FSTL5: variants seen among roughly 807,000 people sequenced by gnomAD.
FSTL5 encodes the protein follistatin-related protein 5.
A neutral mutation model predicts 89.1 loss-of-function variants in FSTL5; 62 were observed. The ratio of observed to expected loss-of-function variants is 0.70; its 90% CI spans 0.57 to 0.86. FSTL5 has a LOEUF of 0.86. Ranked by LOEUF, FSTL5 falls within the 40% of genes least tolerant of loss-of-function variation. The pLI is 0.00. For synonymous variants in FSTL5, 383 were observed against 346.2 expected (o/e 1.11, Z -1.18); for missense variants, 1,057 against 1,001.6 (o/e 1.06, Z -0.75).
In FSTL5 at chr4:161,459,346, T is replaced by A. The variant is rs376306198; in HGVS notation, c.1609-27A>T. On this transcript the variant is annotated intron_variant, in intron 13 of 15. Coordinates refer to ENST00000306100, the MANE Select transcript of FSTL5 (RefSeq NM_020116.5). ...TACAATAAAGAAGAATTGAAAAAAA[T>A]GTTTTAGACTAAACTATTAGTTTAA... 7 of 1,434,120 alleles carry A rather than the reference T, an allele frequency of 4.9e-6. No individual in the cohort carries two copies. The East Asian group carries it at 9.1e-5, about 19-fold the overall frequency. 88.8% of individuals were successfully genotyped at this position (1,434,120 alleles called of 1,614,324 possible).
At chr4:161,573,460 C>A (rs1413480796) in intron 8 of FSTL5, among the ~76,000 whole-genome samples, 2 of 149,198 alleles carry the variant, frequency 1.3e-5, no homozygotes, top group Admixed American at 1.3e-4. Flanking sequence ...AAAATAAAGC[C>A]AGGAGCGGTG....
At chr4:161,835,738 TC>T (rs1731017705) in intron 4 of FSTL5, among the ~76,000 whole-genome samples, 1 of 152,048 alleles carries the variant, frequency 6.6e-6, no homozygotes, top group Non-Finnish European at 1.5e-5. Context: ...CAAATGCAAA[TC>T]AAAACCACAA....
intron 2 of FSTL5, among the ~76,000 whole-genome samples, chr4:162,082,375 G>A (rs1730134737): frequency 6.6e-6 from 1 of 151,472 alleles, no homozygotes; most frequent in African/African-American, 2.4e-5. Flanking sequence ...TATTGTTTAG[G>A]CTTAAAAGAA....
At chr4:162,073,295 C>G (rs572688917) in intron 2 of FSTL5, among the ~76,000 whole-genome samples, 1 of 151,446 alleles carries the variant, frequency 6.6e-6, no homozygotes, top group Non-Finnish European at 1.5e-5. Context: ...CAATATAATA[C>G]TATTTTGATT....
chr4:161,579,766 A>C, intron 8 of FSTL5, among the ~76,000 whole-genome samples: 1 of 140,260 alleles, frequency 7.1e-6, no homozygotes, highest in South Asian at 2.3e-4. Flanking sequence ...AAAAAAAGAA[A>C]AAAAAATGGA....
At chr4:161,878,786 T>A (rs898301055) in intron 4 of FSTL5, among the ~76,000 whole-genome samples, 1 of 152,186 alleles carries the variant, frequency 6.6e-6, no homozygotes, top group Non-Finnish European at 1.5e-5. Context: ...TCTATGGTTA[T>A]TATATTTAAA....
At chr4:161,466,043 A>T (rs1296050408) in intron 13 of FSTL5, among the ~76,000 whole-genome samples, 1 of 152,174 alleles carries the variant, frequency 6.6e-6, no homozygotes, top group Admixed American at 6.6e-5. Context: ...TGTCATGATG[A>T]ATGAACTTTT....
At chr4:161,982,695 T>C (rs1246497311) in intron 3 of FSTL5, among the ~76,000 whole-genome samples, 1 of 152,204 alleles carries the variant, frequency 6.6e-6, no homozygotes, top group Admixed American at 6.5e-5. Context: ...ATGGTGTTCA[T>C]GTATATGCAC....
chr4:162,056,244 T>C (rs1230160101), intron 2 of FSTL5, among the ~76,000 whole-genome samples: 5 of 152,016 alleles, frequency 3.3e-5, no homozygotes. Context: ...GTAACAAAAA[T>C]GGGTTACATA....
intron 2 of FSTL5, among the ~76,000 whole-genome samples, chr4:162,057,246 T>C (rs1405211949): frequency 6.6e-6 from 1 of 152,194 alleles, no homozygotes. Context: ...TTGTAAAAGC[T>C]TTCCCTCTGC....
intron 3 of FSTL5, among the ~76,000 whole-genome samples, chr4:161,986,195 T>C (rs72693219): frequency 0.12 from 18,334 of 152,088 alleles, 1,251 homozygotes; most frequent in East Asian, 0.21. Context: ...CAATTGACAA[T>C]TGTAATTTCA....
chr4:161,648,654 A>G (rs1736233252), intron 7 of FSTL5, among the ~76,000 whole-genome samples: 1 of 128,076 alleles, frequency 7.8e-6, no homozygotes, highest in South Asian at 3.0e-4. Context: ...TACTGTTTAC[A>G]CAATTTGGGT....
In FSTL5 at chr4:161,596,734, G is replaced by A. The variant is rs1734022467; in HGVS notation, c.895-9159C>T. On this transcript the variant is annotated intron_variant, in intron 7 of 15. Transcript: ENST00000306100. ...TGTGGTTTGGAATACAATGTAATTC[G>A]TTAAAAGTAAAAGGGTCTTAGGAAT... 2.6e-5 allele frequency among the ~76,000 whole-genome samples: 4 copies of A among 152,210 alleles called. No individual in the cohort carries two copies. The South Asian group carries it at 8.3e-4, about 32-fold the overall frequency.
At chr4:161,638,547 A>T (rs1454281068) in intron 7 of FSTL5, among the ~76,000 whole-genome samples, 1 of 151,782 alleles carries the variant, frequency 6.6e-6, no homozygotes, top group African/African-American at 2.4e-5. Flanking sequence ...AGATGGATTC[A>T]CAGCTGAATT....
intron 4 of FSTL5, among the ~76,000 whole-genome samples, chr4:161,860,152 G>C (rs1314009523): frequency 1.3e-5 from 2 of 152,048 alleles, no homozygotes; most frequent in East Asian, 1.9e-4. Context: ...GCCGGGCGTG[G>C]TGGCGGGCGC....
intron 3 of FSTL5, among the ~76,000 whole-genome samples, chr4:161,948,468 AT>A (rs1259990082): frequency 7.5e-6 from 1 of 133,128 alleles, no homozygotes; most frequent in African/African-American, 2.7e-5. Context: ...CATGAACGGA[AT>A]TTTTTTCTTT....
At position 162,092,840 on chromosome 4, in the gene FSTL5, T is replaced by C. The variant is rs181586763; in HGVS notation, c.126+18431A>G. On this transcript the variant is annotated intron_variant, in intron 2 of 15. Transcript: ENST00000306100. The stretch of plus-strand genomic sequence containing the variant: ...GGTGCGCACCTGTTATCCCAGCTAC[T>C]CAGGAGGCTGAGGCAGGAGAATCAC... Among the ~76,000 whole-genome samples, 611 of 148,284 alleles carry C rather than the reference T, an allele frequency of 4.1e-3. 4 individuals are homozygous for C. Among genetic ancestry groups the C allele is most frequent in the African/African-American group, 0.014 (572 of 39,934 alleles).
At chr4:161,696,548 C>T (rs757894934) in intron 6 of FSTL5, among the ~76,000 whole-genome samples, 10 of 152,086 alleles carry the variant, frequency 6.6e-5, no homozygotes, top group Non-Finnish European at 1.2e-4. Context: ...GCAGTATGGT[C>T]ATTTTCACAA....
At chr4:162,080,228 T>C (rs1045536140) in intron 2 of FSTL5, among the ~76,000 whole-genome samples, 4 of 151,806 alleles carry the variant, frequency 2.6e-5, no homozygotes, top group Admixed American at 2.0e-4. Context: ...GCTTTGGAAA[T>C]AATTTCACCT....
Sources: gnomAD v4.1 joint callset for allele counts (sites outside exome capture counted in the v4.1 genomes callset) on GRCh38, gnomAD v4.1.1 for gene constraint, MANE v1.5 for transcripts, NCBI Gene and HGNC (gene_info 2026-07-23, HGNC 2026-07-21) for gene names.